GALNT18: variants seen among roughly 807,000 people sequenced by gnomAD.
The protein encoded by GALNT18 is polypeptide N-acetylgalactosaminyltransferase 18, also known as GalNAc-transferase 18.
GALNT18 carries 44 observed loss-of-function variants against 69.5 expected under a neutral mutation model. The observed-to-expected ratio is 0.63, with a 90% CI of 0.50 to 0.81. GALNT18 has a LOEUF of 0.81. Ranked by LOEUF, GALNT18 falls within the 40% of genes least tolerant of loss-of-function variation. GALNT18 has a pLI of 0.00. For synonymous variants in GALNT18, 364 were observed against 318.2 expected (o/e 1.14, Z -1.53); for missense variants, 715 against 810.0 (o/e 0.88, Z 1.42).
rs7395405 is a variant in GALNT18, at chr11:11,435,797, G to A, written c.429-3010C>T. Among the ~76,000 whole-genome samples, 2 of 152,190 alleles carry A rather than the reference G, an allele frequency of 1.3e-5. No homozygotes were observed. The highest frequency in any genetic ancestry group is 2.4e-5 in the African/African-American group (1 of 41,442). ...AGGAGAGTCAGGTCCCGGTCCTCCC[G>A]CCGACCAGCAGGCTCCTGTTCTCCC... On this transcript the variant is annotated intron_variant, in intron 2 of 10. Transcript: ENST00000227756. The surrounding 1 kb of genome is among the most constrained non-coding windows in gnomAD (Gnocchi z 4.4).
At chr11:11,353,572 T>A (rs1392341470) in intron 6 of GALNT18, among the ~76,000 whole-genome samples, 1 of 152,226 alleles carries the variant, frequency 6.6e-6, no homozygotes, top group Non-Finnish European at 1.5e-5. Flanking sequence ...TTTCTTTTTT[T>A]ATGTCTCTAA....
Position 11,396,863 on chromosome 11 carries a change from C to T in GALNT18, c.596-17599G>A, listed in dbSNP as rs968130984. 1.3e-5 allele frequency among the ~76,000 whole-genome samples: 2 copies of T among 152,082 alleles called. No individual in the cohort carries two copies. The highest frequency in any genetic ancestry group is 2.9e-5 in the Non-Finnish European group (2 of 68,010). ...GGCTGCCAAAGGAAAGGCTTTCATT[C>T]CAGTCAAAGCAGGGTGCTGGACAAC... On this transcript the variant is annotated intron_variant, in intron 3 of 10. Coordinates refer to ENST00000227756, the MANE Select transcript of GALNT18 (RefSeq NM_198516.3). This position sits in a 1 kb window ranked among gnomAD's most constrained non-coding sequence, Gnocchi z 5.2.
At chr11:11,281,668 T>C (rs919571280) in intron 10 of GALNT18, among the ~76,000 whole-genome samples, 3 of 152,050 alleles carry the variant, frequency 2.0e-5, no homozygotes, top group Non-Finnish European at 4.4e-5. Flanking sequence ...TTCTGAGACA[T>C]AAAGCATCCT....
At position 11,603,239 on chromosome 11, in the gene GALNT18, A is replaced by C. The variant is rs1859674862; in HGVS notation, c.235+18120T>G. ...CCAACAGCCAAGACTAAGTGTTGCC[A>C]CATAAGAACCGTCCTCCAAGGCTGT... On this transcript the variant is annotated intron_variant, in intron 1 of 10. Transcript: ENST00000227756. This position sits in a 1 kb window ranked among gnomAD's most constrained non-coding sequence, Gnocchi z 4.5. Among the ~76,000 whole-genome samples, 1 of 152,204 alleles carries C rather than the reference A, an allele frequency of 6.6e-6. No individual in the cohort carries two copies. The highest frequency in any genetic ancestry group is 1.5e-5 in the Non-Finnish European group (1 of 68,042).
intron 6 of GALNT18, among the ~76,000 whole-genome samples, chr11:11,346,267 T>C (rs984983439): frequency 1.3e-5 from 2 of 152,228 alleles, no homozygotes; most frequent in African/African-American, 2.4e-5. Context: ...TTTACCACTG[T>C]ATACATCAGC....
chr11:11,406,918 G>A lies in GALNT18; in HGVS notation c.595+25703C>T, dbSNP rs567556560. Among the ~76,000 whole-genome samples, 8 of 152,326 alleles carry A rather than the reference G, an allele frequency of 5.3e-5. No homozygotes were observed. The South Asian group carries it at 1.7e-3, about 32-fold the overall frequency. On this transcript the variant is annotated intron_variant, in intron 3 of 10. Transcript: ENST00000227756. Reference sequence around the variant, plus strand: ...GTGGGTCTTCAGGTTCTTTGCAAGAGGGTGAGGCCAGGAGGAATATTATCC... The same window carrying A: ...GTGGGTCTTCAGGTTCTTTGCAAGAAGGTGAGGCCAGGAGGAATATTATCC...
rs543493480 is a variant in GALNT18 at position 11,305,542 on chromosome 11, A to T, written c.1513-12349T>A. 2.0e-5 allele frequency among the ~76,000 whole-genome samples: 3 copies of T among 152,276 alleles called. No homozygotes were observed. The East Asian group carries it at 5.8e-4, about 29-fold the overall frequency. ...GTGATTCAAGAAAGACTGAGTCGGGATCCAAACTGCCTCGACTCAAGTCTC... is the reference window on the plus strand; with the variant it reads ...GTGATTCAAGAAAGACTGAGTCGGGTTCCAAACTGCCTCGACTCAAGTCTC... On this transcript the variant is annotated intron_variant, in intron 9 of 10. Transcript: ENST00000227756.
At chr11:11,453,027 G>A (rs962952331) in intron 1 of GALNT18, among the ~76,000 whole-genome samples, 1 of 152,120 alleles carries the variant, frequency 6.6e-6, no homozygotes, top group Non-Finnish European at 1.5e-5. Context: ...GCTGTTACTC[G>A]CCCCCTGCCC....
At position 11,338,848 on chromosome 11, in the gene GALNT18, A is replaced by T. The variant is rs765687988; in HGVS notation, c.1278+1971T>A. ...CATGTAAGCACCCAGTGAAGGTAAG[A>T]GGAGCCCTTGAAGAGTTAGGAATAA... On this transcript the variant is annotated intron_variant, in intron 7 of 10. Transcript: ENST00000227756. The surrounding 1 kb of genome is among the most constrained non-coding windows in gnomAD (Gnocchi z 5.3). Among the ~76,000 whole-genome samples the T allele has an allele frequency of 3.3e-5, 5 of 152,162 alleles. No homozygotes were observed. The highest frequency in any genetic ancestry group is 4.4e-5 in the Non-Finnish European group (3 of 68,040).
rs938000451 is a variant in GALNT18, at chr11:11,496,442, C to T, written c.236-47506G>A. On this transcript the variant is annotated intron_variant, in intron 1 of 10. Coordinates refer to ENST00000227756, the MANE Select transcript of GALNT18 (RefSeq NM_198516.3). This position sits in a 1 kb window ranked among gnomAD's most constrained non-coding sequence, Gnocchi z 4.0. ...CCCTCAAGTTTAGCCCAAACTTACCCAGCAGTACATTGCTATCAACTCCAA... is the reference window on the plus strand; with the variant it reads ...CCCTCAAGTTTAGCCCAAACTTACCTAGCAGTACATTGCTATCAACTCCAA... Among the ~76,000 whole-genome samples, 2 of 152,198 alleles carry T rather than the reference C, an allele frequency of 1.3e-5. No individual in the cohort carries two copies. Among genetic ancestry groups the T allele is most frequent in the African/African-American group, 4.8e-5 (2 of 41,444 alleles).
In GALNT18 at chr11:11,617,865, A is replaced by C. The variant is rs181127161; in HGVS notation, c.235+3494T>G. On this transcript the variant is annotated intron_variant, in intron 1 of 10. Transcript: ENST00000227756. The surrounding 1 kb of genome is among the most constrained non-coding windows in gnomAD (Gnocchi z 4.7). ...CAAGCCATCAGATCTTTCTACTCCT[A>C]AGATGGAGAGAACCTGACCCTTACT... Among the ~76,000 whole-genome samples the C allele has an allele frequency of 6.6e-6, 1 of 152,266 alleles. No individual in the cohort carries two copies. The highest frequency in any genetic ancestry group is 2.4e-5 in the African/African-American group (1 of 41,550).
chr11:11,535,035 CCT>C (rs1356859859), intron 1 of GALNT18, among the ~76,000 whole-genome samples: 1 of 152,238 alleles, frequency 6.6e-6, no homozygotes, highest in East Asian at 1.9e-4. Flanking sequence ...AAGCTGTTAG[CCT>C]CTCTGAACCA....
rs1850189183 is a variant in GALNT18, at chr11:11,340,760, C to G, written c.1278+59G>C. ...TAGGAAGAAGGGTTCGGTCCCATATCTTGTTTTGTTTGTTTTCCACCAATC... is the reference window on the plus strand; with the variant it reads ...TAGGAAGAAGGGTTCGGTCCCATATGTTGTTTTGTTTGTTTTCCACCAATC... On this transcript the variant is annotated intron_variant, in intron 7 of 10. Coordinates refer to ENST00000227756, the MANE Select transcript of GALNT18 (RefSeq NM_198516.3). The surrounding 1 kb of genome is among the most constrained non-coding windows in gnomAD (Gnocchi z 4.2). 11 of 1,510,220 alleles carry G rather than the reference C, an allele frequency of 7.3e-6. No individual in the cohort carries two copies. The highest frequency in any genetic ancestry group is 9.9e-6 in the Non-Finnish European group (11 of 1,112,870). 93.6% of individuals were successfully genotyped at this position (1,510,220 alleles called of 1,614,324 possible). A position where few individuals can be genotyped will look rare whatever the true frequency, so the allele number is the denominator to read the frequency against.
chr11:11,476,455 A>T (rs1856400040), intron 1 of GALNT18: 1 of 152,192 alleles, frequency 6.6e-6, no homozygotes, highest in South Asian at 2.1e-4. Flanking sequence ...CCTATAGCCT[A>T]TAAAATTAAA....
In GALNT18 at chr11:11,332,712, G is replaced by A. The variant is rs1850038946; in HGVS notation, c.1398C>T (p.Asp466=). The A allele has an allele frequency of 6.2e-7, 1 of 1,614,158 alleles. No homozygotes were observed. The highest frequency in any genetic ancestry group is 1.1e-5 in the South Asian group (1 of 91,076). Residue 466 remains aspartate (D), a synonymous_variant, in exon 8 of 11, where the codon GAC becomes GAT. Transcript: ENST00000227756. This position sits in a 1 kb window ranked among gnomAD's most constrained non-coding sequence, Gnocchi z 4.3. ...SVYPEMRMYS[D]IIAYGVLQNS... ...TCCTTACCACTCCATAGGCAATGATGTCGGAGTACATCCTCATCTCTGGGT... is the reference window on the plus strand; with the variant it reads ...TCCTTACCACTCCATAGGCAATGATATCGGAGTACATCCTCATCTCTGGGT...
At chr11:11,395,761 G>A (rs948519017) in intron 3 of GALNT18, among the ~76,000 whole-genome samples, 4 of 152,194 alleles carry the variant, frequency 2.6e-5, no homozygotes, top group African/African-American at 2.4e-5. Context: ...CAGCAGAGCC[G>A]AAATGAAGAA....
rs865830497 is a variant in GALNT18 at position 11,430,580 on chromosome 11, C to T, written c.595+2041G>A. ...TGCTGCTCGTCTGCATCCCTGATGACGGACTACTGCACCAGGGCATTGCTC... is the reference window on the plus strand; with the variant it reads ...TGCTGCTCGTCTGCATCCCTGATGATGGACTACTGCACCAGGGCATTGCTC... On this transcript the variant is annotated intron_variant, in intron 3 of 10. Transcript: ENST00000227756. This position sits in a 1 kb window ranked among gnomAD's most constrained non-coding sequence, Gnocchi z 4.9. 1.3e-5 allele frequency among the ~76,000 whole-genome samples: 2 copies of T among 152,236 alleles called. No individual in the cohort carries two copies. The highest frequency in any genetic ancestry group is 2.4e-5 in the African/African-American group (1 of 41,468).
At chr11:11,391,533 T>C (rs1287177460) in intron 3 of GALNT18, among the ~76,000 whole-genome samples, 1 of 152,258 alleles carries the variant, frequency 6.6e-6, no homozygotes, top group African/African-American at 2.4e-5. Flanking sequence ...CCTTTACAAA[T>C]GTCCTGCCAG....
chr11:11,331,957 CCTTAGACAGAA>C lies in GALNT18; in HGVS notation c.1416+726_1416+736del, dbSNP rs543117020. On this transcript the variant is annotated intron_variant, in intron 8 of 10. Transcript: ENST00000227756. ...GTTTATCATATTCGAAGTATTTTAACCTTAGACAGAAAATACATTTTCTGTCTAAGGTTACA... is the reference window on the plus strand; with the variant it reads ...GTTTATCATATTCGAAGTATTTTAACAATACATTTTCTGTCTAAGGTTACA... 3.9e-5 allele frequency among the ~76,000 whole-genome samples: 6 copies of C among 152,140 alleles called. No homozygotes were observed. The South Asian group carries it at 1.2e-3, about 32-fold the overall frequency.
Sources: gnomAD v4.1 joint callset for allele counts (sites outside exome capture counted in the v4.1 genomes callset) on GRCh38, gnomAD v4.1.1 for gene constraint, Gnocchi (gnomAD v3.1) non-coding constraint, MANE v1.5 for transcripts, NCBI Gene and HGNC (gene_info 2026-07-23, HGNC 2026-07-21) for gene names.